Variants in JAKMIP1 observed in about 807,000 individuals in gnomAD.
JAKMIP1 encodes the protein janus kinase and microtubule-interacting protein 1.
Under a neutral mutation model 113.0 loss-of-function variants are expected in JAKMIP1, and 33 were observed. The observed-to-expected ratio is 0.29, with a 90% CI of 0.22 to 0.39. The LOEUF (loss-of-function observed/expected upper bound fraction) is 0.39. JAKMIP1 is among the 10% of genes least tolerant of loss of function. The pLI is 1.00. For missense variants in JAKMIP1, 813 were observed against 1,080.5 expected (o/e 0.75, Z 3.47); for synonymous variants, 480 against 459.9 (o/e 1.04, Z -0.56).
In JAKMIP1 at chr4:6,197,095, C is replaced by T. The variant is rs1727939720; in HGVS notation, c.-148+3158G>A. Among the ~76,000 whole-genome samples, 1 of 152,170 alleles carries T rather than the reference C, an allele frequency of 6.6e-6. No individual in the cohort carries two copies. The highest frequency in any genetic ancestry group is 1.5e-5 in the Non-Finnish European group (1 of 68,038). On this transcript the variant is annotated intron_variant, in intron 1 of 20. Transcript: ENST00000409021. The surrounding 1 kb of genome is among the most constrained non-coding windows in gnomAD (Gnocchi z 6.5). ...GCCCGTGCAGCAAAGATGAGATAAC[C>T]CGAGGCAGAAGCGGGAGGTTAAGTG...
chr4:6,123,503 A>G (rs729146), intron 1 of JAKMIP1, among the ~76,000 whole-genome samples: 38,985 of 152,226 alleles, frequency 0.26, 6,429 homozygotes, highest in East Asian at 0.61. Flanking sequence ...GGAGATTAAA[A>G]TAAAGTCTTT....
chr4:6,061,190 C>A lies in JAKMIP1; in HGVS notation c.1561-683G>T, dbSNP rs1371408994. On this transcript the variant is annotated intron_variant, in intron 10 of 20. Coordinates refer to ENST00000409021, the MANE Select transcript of JAKMIP1 (RefSeq NM_001099433.2). The surrounding 1 kb of genome is among the most constrained non-coding windows in gnomAD (Gnocchi z 5.3). ...GAACCTGGATTTCTCTATAGAATCT[C>A]TTGATTTTTAAATGTTGGCAAGTAG... Among the ~76,000 whole-genome samples the A allele has an allele frequency of 2.6e-5, 4 of 152,210 alleles. No individual in the cohort carries two copies. The highest frequency in any genetic ancestry group is 1.3e-4 in the Admixed American group (2 of 15,282).
intron 1 of JAKMIP1, among the ~76,000 whole-genome samples, 179 bp from the exon 2 acceptor site, chr4:6,113,176 T>G (rs1715236383): frequency 6.6e-6 from 1 of 152,148 alleles, no homozygotes; most frequent in Admixed American, 6.5e-5. Flanking sequence ...TGTTAAGGCG[T>G]GGAGTCCTGG....
At position 6,080,308 on chromosome 4, in the gene JAKMIP1, T is replaced by C; in HGVS notation, c.1106A>G (p.Glu369Gly). The change falls in exon 7 of 21, where the codon GAA becomes GGA. Residue 369 changes from glutamate to glycine, a missense_variant. Physicochemically the swap from Glu to Gly is moderately conservative, Grantham distance 98. This residue lies in a region of JAKMIP1 where 540 missense variants were observed against 653.9 expected (regional missense o/e 0.83). Transcript: ENST00000409021. The surrounding 1 kb of genome is among the most constrained non-coding windows in gnomAD (Gnocchi z 6.0). ...NLTRENVEMK[E>G]KLSAQASLKR... ...CAGAGACGCCTGCGCTGACAGCTTT[T>C]CTTTCTGCAGCCACAGGGAGACAGA... 1 of 1,613,788 alleles carries C rather than the reference T, an allele frequency of 6.2e-7. No individual in the cohort carries two copies.
chr4:6,056,066 C>T (rs1716393211), intron 12 of JAKMIP1, among the ~76,000 whole-genome samples: 1 of 149,980 alleles, frequency 6.7e-6, no homozygotes, highest in Non-Finnish European at 1.5e-5. Flanking sequence ...GAGGACAGGG[C>T]TGCCCTCCCC....
Position 6,081,764 on chromosome 4 carries a change from G to A in JAKMIP1, c.955-9C>T. 6.2e-7 allele frequency: 1 copy of A among 1,614,166 alleles called. No individual in the cohort carries two copies. Among genetic ancestry groups the A allele is most frequent in the Non-Finnish European group, 8.5e-7 (1 of 1,180,032 alleles). On this transcript the variant is annotated splice_polypyrimidine_tract_variant and intron_variant, in intron 5 of 20. Transcript: ENST00000409021. This position sits in a 1 kb window ranked among gnomAD's most constrained non-coding sequence, Gnocchi z 4.6. Reference sequence around the variant, plus strand: ...TCTCGTGAGCGTTTCAGCTGTGGTTGGAAACAGACACAGAGGCTCAGACAA... The same window carrying A: ...TCTCGTGAGCGTTTCAGCTGTGGTTAGAAACAGACACAGAGGCTCAGACAA...
Position 6,180,432 on chromosome 4 carries a change from G to A in JAKMIP1, c.-148+19821C>T, listed in dbSNP as rs138455659. Reference sequence around the variant, plus strand: ...CAGCTGCTGAACAGGAGAGAAACTTGGAGGTGAGGATAGGCAATGGGGACC... The same window carrying A: ...CAGCTGCTGAACAGGAGAGAAACTTAGAGGTGAGGATAGGCAATGGGGACC... On this transcript the variant is annotated intron_variant, in intron 1 of 20. Transcript: ENST00000409021. The surrounding 1 kb of genome is among the most constrained non-coding windows in gnomAD (Gnocchi z 4.5). Among the ~76,000 whole-genome samples, 349 of 152,288 alleles carry A rather than the reference G, an allele frequency of 2.3e-3. No individual in the cohort carries two copies. Among genetic ancestry groups the A allele is most frequent in the African/African-American group, 8.2e-3 (342 of 41,558 alleles).
intron 3 of JAKMIP1, among the ~76,000 whole-genome samples, chr4:6,090,005 TGG>T (rs1256296322): frequency 6.6e-6 from 1 of 152,120 alleles, no homozygotes; most frequent in Non-Finnish European, 1.5e-5. Context: ...GCGAATCACC[TGG>T]GGTCAGGAGT....
rs1409118120 is a variant in JAKMIP1 at position 6,119,568 on chromosome 4, AAC to A, written c.-147-6573_-147-6572del. Among the ~76,000 whole-genome samples the A allele has an allele frequency of 5.6e-4, 65 of 115,586 alleles. 1 individual carries two copies. Among genetic ancestry groups the A allele is most frequent in the African/African-American group, 1.8e-3 (52 of 28,692 alleles). 75.8% of individuals were successfully genotyped at this position (115,586 alleles called of 152,430 possible). ...TCAAAAACAAACAAACAACAACAAC[AAC>A]AAAAAAAAACCACTCCTGGGACACA... On this transcript the variant is annotated intron_variant, in intron 1 of 20. Transcript: ENST00000409021.
chr4:6,068,545 A>T (rs1188234775), intron 8 of JAKMIP1, among the ~76,000 whole-genome samples: 4 of 137,836 alleles, frequency 2.9e-5, no homozygotes, highest in South Asian at 4.7e-4. Flanking sequence ...GGGTATTTTT[A>T]AAAATTTTTT....
chr4:6,118,275 C>T (rs892056869), intron 1 of JAKMIP1, among the ~76,000 whole-genome samples: 7 of 152,174 alleles, frequency 4.6e-5, no homozygotes, highest in African/African-American at 1.7e-4. Flanking sequence ...CCTGACTTCC[C>T]GCAACAGGTA....
In JAKMIP1 at chr4:6,184,957, G is replaced by A. The variant is rs147057846; in HGVS notation, c.-148+15296C>T. On this transcript the variant is annotated intron_variant, in intron 1 of 20. Transcript: ENST00000409021. The surrounding 1 kb of genome is among the most constrained non-coding windows in gnomAD (Gnocchi z 4.5). ...AAAGAGCAGACTTGCTGAGTCTTCC[G>A]GCCTCCATCTTTCTCCCGTGCTGGA... 4.1e-3 allele frequency among the ~76,000 whole-genome samples: 621 copies of A among 152,258 alleles called. 7 individuals are homozygous for A. Among genetic ancestry groups the A allele is most frequent in the African/African-American group, 0.014 (594 of 41,548 alleles).
In JAKMIP1 at chr4:6,076,060, C is replaced by T. The variant is rs893830075; in HGVS notation, c.1302+2879G>A. Among the ~76,000 whole-genome samples, 5 of 152,146 alleles carry T rather than the reference C, an allele frequency of 3.3e-5. No homozygotes were observed. Among genetic ancestry groups the T allele is most frequent in the Admixed American group, 1.3e-4 (2 of 15,272 alleles). On this transcript the variant is annotated intron_variant, in intron 8 of 20. Coordinates refer to ENST00000409021, the MANE Select transcript of JAKMIP1 (RefSeq NM_001099433.2). This position sits in a 1 kb window ranked among gnomAD's most constrained non-coding sequence, Gnocchi z 4.8. Reference sequence around the variant, plus strand: ...GCGTGGTGGCACATGCCTGTAATCTCGGCTACTTGGGAGGCTGAGGCAGGA... The same window carrying T: ...GCGTGGTGGCACATGCCTGTAATCTTGGCTACTTGGGAGGCTGAGGCAGGA...
Position 6,186,818 on chromosome 4 carries a change from T to C in JAKMIP1, c.-148+13435A>G, listed in dbSNP as rs1381621637. 6.6e-6 allele frequency among the ~76,000 whole-genome samples: 1 copy of C among 152,164 alleles called. No homozygotes were observed. The highest frequency in any genetic ancestry group is 1.5e-5 in the Non-Finnish European group (1 of 68,028). On this transcript the variant is annotated intron_variant, in intron 1 of 20. Transcript: ENST00000409021. This position sits in a 1 kb window ranked among gnomAD's most constrained non-coding sequence, Gnocchi z 5.5. Reference sequence around the variant, plus strand: ...TTGAATTATCTATTTCTCCCTTCACTTCTGTCAGGTTTTTTGTTTGTTTGT... The same window carrying C: ...TTGAATTATCTATTTCTCCCTTCACCTCTGTCAGGTTTTTTGTTTGTTTGT...
chr4:6,106,611 T>C lies in JAKMIP1; in HGVS notation c.130-644A>G, dbSNP rs374118388. Among the ~76,000 whole-genome samples the C allele has an allele frequency of 3.3e-5, 5 of 152,308 alleles. No individual in the cohort carries two copies. Among genetic ancestry groups the C allele is most frequent in the African/African-American group, 1.2e-4 (5 of 41,570 alleles). On this transcript the variant is annotated intron_variant, in intron 2 of 20. Transcript: ENST00000409021. The surrounding 1 kb of genome is among the most constrained non-coding windows in gnomAD (Gnocchi z 5.9). ...AGGCAGCCAAAGATCAGAGACAGTC[T>C]GGTGAGCTGCCCAGGGTGAGGGATG...
At chr4:6,068,458 C>G (rs887070743) in intron 8 of JAKMIP1, among the ~76,000 whole-genome samples, 3 of 152,138 alleles carry the variant, frequency 2.0e-5, no homozygotes, top group Non-Finnish European at 1.5e-5. Context: ...GAGGAATCCA[C>G]AGCCAGGCAC....
intron 2 of JAKMIP1, among the ~76,000 whole-genome samples, chr4:6,107,689 T>C (rs1175656538): frequency 6.6e-6 from 1 of 152,132 alleles, no homozygotes; most frequent in Non-Finnish European, 1.5e-5. Context: ...ACATTTCAGA[T>C]TTGCCAGCCC....
intron 18 of JAKMIP1, among the ~76,000 whole-genome samples, chr4:6,039,689 T>C (rs1470661233): frequency 6.6e-6 from 1 of 152,122 alleles, no homozygotes; most frequent in African/African-American, 2.4e-5. Context: ...ATCTTCTACA[T>C]CTCCTGCTCC....
rs117109588 is a variant in JAKMIP1, at chr4:6,183,758, C to T, written c.-148+16495G>A. Reference sequence around the variant, plus strand: ...ACCCTGGTAGACCCCACTGCAGGGACCTGGGCTGCCAGGTGAACACTCAGC... The same window carrying T: ...ACCCTGGTAGACCCCACTGCAGGGATCTGGGCTGCCAGGTGAACACTCAGC... On this transcript the variant is annotated intron_variant, in intron 1 of 20. Coordinates refer to ENST00000409021, the MANE Select transcript of JAKMIP1 (RefSeq NM_001099433.2). The surrounding 1 kb of genome is among the most constrained non-coding windows in gnomAD (Gnocchi z 5.3). 6.6e-6 allele frequency among the ~76,000 whole-genome samples: 1 copy of T among 152,276 alleles called. No individual in the cohort carries two copies. The highest frequency in any genetic ancestry group is 1.9e-4 in the East Asian group (1 of 5,188).
Sources: allele counts gnomAD v4.1 joint callset (sites outside exome capture counted in the v4.1 genomes callset), GRCh38; gene constraint gnomAD v4.1.1; regional missense constraint gnomAD v4.1.1; non-coding constraint Gnocchi (gnomAD v3.1); transcripts MANE v1.5; gene names NCBI Gene and HGNC (gene_info 2026-07-23, HGNC 2026-07-21).